Variants in ELMO1 observed in about 807,000 individuals in gnomAD.
The protein encoded by ELMO1 is engulfment and cell motility 1.
Under a neutral mutation model 98.9 loss-of-function variants are expected in ELMO1, and 26 were observed. That is an observed-to-expected ratio of 0.26 (90% CI 0.19 to 0.36). The LOEUF (loss-of-function observed/expected upper bound fraction) is 0.36. ELMO1 is among the 10% of genes least tolerant of loss of function. The probability of loss-of-function intolerance (pLI) is 1.00; values close to 1 mark genes in which losing one functional copy is unlikely to be tolerated. For missense variants in ELMO1, 627 were observed against 935.2 expected (o/e 0.67, Z 4.30); for synonymous variants, 346 against 346.0 (o/e 1.00, Z 0.00).
intron 1 of ELMO1, among the ~76,000 whole-genome samples, chr7:37,394,518 C>T (rs914800947): frequency 1.3e-5 from 2 of 152,062 alleles, no homozygotes; most frequent in South Asian, 4.1e-4. Flanking sequence ...ACCTAAGGAA[C>T]CCATCTGCAG....
chr7:37,280,757 C>T (rs188424353), intron 4 of ELMO1, among the ~76,000 whole-genome samples: 70 of 152,050 alleles, frequency 4.6e-4, no homozygotes, highest in African/African-American at 1.6e-3. Flanking sequence ...CCGGTGGGAA[C>T]GTAAACTACT....
intron 1 of ELMO1, among the ~76,000 whole-genome samples, chr7:37,437,744 T>C (rs1394838202): frequency 1.6e-5 from 1 of 61,140 alleles, no homozygotes; most frequent in African/African-American, 5.4e-5. Flanking sequence ...CCGAGGCGGG[T>C]GGATCATGAG....
At chr7:37,349,748 C>T (rs1801174126) in intron 1 of ELMO1, among the ~76,000 whole-genome samples, 1 of 152,228 alleles carries the variant, frequency 6.6e-6, no homozygotes. Context: ...GCCACCACAC[C>T]TGGCCTAGTC....
At chr7:37,259,135 G>A (rs749779255) in intron 6 of ELMO1, 46 bp downstream of exon 6, 63 of 1,560,656 alleles carry the variant, frequency 4.0e-5, no homozygotes, top group South Asian at 1.4e-4. Context: ...TTCAAAACGC[G>A]GAGACACGCA....
chr7:37,120,699 G>A (rs1387675621), intron 14 of ELMO1, among the ~76,000 whole-genome samples: 6 of 152,200 alleles, frequency 3.9e-5, no homozygotes, highest in African/African-American at 1.4e-4. Flanking sequence ...ACCTCTGAGG[G>A]CAAGGCATAG....
chr7:36,923,693 T>C (rs763848250), intron 16 of ELMO1, among the ~76,000 whole-genome samples: 8 of 152,244 alleles, frequency 5.3e-5, no homozygotes, highest in Non-Finnish European at 1.0e-4. Flanking sequence ...AGGGAACTTC[T>C]ACTTTGTACC....
chr7:37,112,617 A>T (rs142975971), intron 14 of ELMO1, among the ~76,000 whole-genome samples: 1 of 152,306 alleles, frequency 6.6e-6, no homozygotes, highest in African/African-American at 2.4e-5. Context: ...ACCAAAGAGA[A>T]GTTAGTTGTT....
chr7:37,013,682 C>T (rs1793723908), intron 15 of ELMO1: 1 of 435,654 alleles, frequency 2.3e-6, no homozygotes, highest in East Asian at 4.0e-5. Context: ...AGTCCCTAAC[C>T]CATGCCAGGA....
intron 15 of ELMO1, among the ~76,000 whole-genome samples, chr7:37,079,068 G>C (rs1377210583): frequency 6.6e-6 from 1 of 152,062 alleles, no homozygotes; most frequent in Non-Finnish European, 1.5e-5. Flanking sequence ...TTCAGAATCT[G>C]TTGGTAGACA....
chr7:37,005,645 C>A (rs566839531), intron 16 of ELMO1, among the ~76,000 whole-genome samples: 1 of 137,648 alleles, frequency 7.3e-6, no homozygotes, highest in African/African-American at 2.8e-5. Flanking sequence ...TGAGCCGAGA[C>A]TGTGCCATGG....
chr7:37,286,911 T>C (rs763033163), intron 4 of ELMO1, among the ~76,000 whole-genome samples: 2 of 152,176 alleles, frequency 1.3e-5, no homozygotes, highest in Non-Finnish European at 2.9e-5. Context: ...AATTGTATCA[T>C]AGGCTGGGCA....
chr7:37,088,029 T>C (rs1214404379), intron 15 of ELMO1, among the ~76,000 whole-genome samples: 1 of 152,192 alleles, frequency 6.6e-6, no homozygotes, highest in Non-Finnish European at 1.5e-5. Flanking sequence ...TGGGAGCCTG[T>C]GCCTTTCAAC....
chr7:37,067,569 T>G (rs901895558), intron 15 of ELMO1, among the ~76,000 whole-genome samples: 2 of 152,226 alleles, frequency 1.3e-5, no homozygotes, highest in Non-Finnish European at 2.9e-5. Flanking sequence ...GGAGCCTTGT[T>G]TAAGGAAAAG....
At chr7:37,157,411 A>G (rs1563042435) in intron 13 of ELMO1, among the ~76,000 whole-genome samples, 1 of 152,210 alleles carries the variant, frequency 6.6e-6, no homozygotes. Context: ...GTATATCTAG[A>G]AAACCCCATC....
chr7:37,105,140 G>C (rs1784875195), intron 14 of ELMO1, among the ~76,000 whole-genome samples: 1 of 152,202 alleles, frequency 6.6e-6, no homozygotes. Context: ...ACAAAAGCAG[G>C]ACGCGCAAAA....
intron 16 of ELMO1, among the ~76,000 whole-genome samples, chr7:36,913,926 T>A (rs540562410): frequency 1.1e-4 from 16 of 152,316 alleles, no homozygotes; most frequent in East Asian, 7.7e-4. Flanking sequence ...AAACTCCATG[T>A]CCCATTTAAA....
intron 14 of ELMO1, among the ~76,000 whole-genome samples, chr7:37,119,470 T>C (rs886330355): frequency 5.9e-5 from 9 of 152,228 alleles, no homozygotes; most frequent in Non-Finnish European, 1.3e-4. Flanking sequence ...CAACCATTAG[T>C]TAGGATCTAA....
At chr7:37,012,101 C>T (rs906712420) in intron 16 of ELMO1, among the ~76,000 whole-genome samples, 1 of 152,094 alleles carries the variant, frequency 6.6e-6, no homozygotes, top group African/African-American at 2.4e-5. Context: ...CAATCGATGA[C>T]CAAGATGCAA....
At chr7:37,213,262 T>C in intron 12 of ELMO1, 73 bp downstream of exon 12, 1 of 1,553,186 alleles carries the variant, frequency 6.4e-7, no homozygotes, top group Non-Finnish European at 8.7e-7. Flanking sequence ...AGTTTCAGGG[T>C]ACCTCAAGAA....
Sources: gnomAD v4.1 joint callset for allele counts (sites outside exome capture counted in the v4.1 genomes callset) on GRCh38, gnomAD v4.1.1 for gene constraint, MANE v1.5 for transcripts, NCBI Gene and HGNC (gene_info 2026-07-23, HGNC 2026-07-21) for gene names.